The following PRCC variants were observed in gnomAD, a reference collection of about 807,000 sequenced individuals.
PRCC encodes proline-rich protein PRCC.
In PRCC, 10 loss-of-function variants were observed where a neutral mutation model predicts 44.0. The observed-to-expected ratio is 0.23, with a 90% CI of 0.14 to 0.39. The LOEUF is 0.39. PRCC is among the 10% of genes least tolerant of loss of function. PRCC has a pLI of 1.00. For missense variants in PRCC, 573 were observed against 624.7 expected, an observed-to-expected ratio of 0.92 and a Z score of 0.88; for synonymous variants, 278 against 259.5, an observed-to-expected ratio of 1.07 and a Z score of -0.69.
At chr1:156,787,195 G>A (rs374121255) in intron 3 of PRCC, 21 bp downstream of exon 3, 24 of 1,572,666 alleles carry the variant, frequency 1.5e-5, no homozygotes, top group Middle Eastern at 3.8e-4. Context: ...GGCACAGAGG[G>A]CAGGCGAGGG....
At chr1:156,800,145 T>G (rs930774351) in intron 6 of PRCC, among the ~76,000 whole-genome samples, 1 of 152,256 alleles carries the variant, frequency 6.6e-6, no homozygotes, top group Non-Finnish European at 1.5e-5. Context: ...ACCAGGATTC[T>G]TGAGTCTTTA....
chr1:156,785,910 C>G (rs1198701523), intron 2 of PRCC, among the ~76,000 whole-genome samples: 2 of 150,822 alleles, frequency 1.3e-5, no homozygotes, highest in South Asian at 2.1e-4. Flanking sequence ...TTCCTGGGTT[C>G]AAGCGATTCT....
At chr1:156,768,534 C>G (rs1467672944) in intron 1 of PRCC, among the ~76,000 whole-genome samples, 1 of 152,210 alleles carries the variant, frequency 6.6e-6, no homozygotes, top group African/African-American at 2.4e-5. Context: ...TTTGCATCTT[C>G]ACTTCAGTCC....
In PRCC at chr1:156,767,642, A is replaced by G. The variant is rs1651442792; in HGVS notation, c.-130A>G. The G allele has an allele frequency of 1.1e-6, 1 of 872,658 alleles. No individual in the cohort carries two copies. The highest frequency in any genetic ancestry group is 1.7e-6 in the Non-Finnish European group (1 of 577,402). The allele number at this position is 872,658 out of a possible 1,614,324, so 54.1% of individuals were successfully genotyped here. A position where few individuals can be genotyped will look rare whatever the true frequency, so the allele number is the denominator to read the frequency against. On this transcript the variant is annotated 5_prime_UTR_variant, in exon 1 of 7. Coordinates refer to ENST00000271526, the MANE Select transcript of PRCC (RefSeq NM_005973.5). The stretch of plus-strand genomic sequence containing the variant: ...ATGAGTTTCTGCCGGGGCTAGCCCT[A>G]GAGTACGGAGCAGGCGGACTTTTCG...
chr1:156,775,355 G>GT (rs879585465), intron 1 of PRCC, among the ~76,000 whole-genome samples: 5,170 of 142,034 alleles, frequency 0.036, 258 homozygotes, highest in African/African-American at 0.12. Context: ...TCTTTCTTTT[G>GT]TTTTTTTTTT....
intron 2 of PRCC, among the ~76,000 whole-genome samples, chr1:156,785,401 C>A (rs12121153): frequency 0.2 from 29,651 of 151,732 alleles, 3,419 homozygotes; most frequent in Non-Finnish European, 0.26. Flanking sequence ...ATAATCCCAG[C>A]TACTCGGGAG....
In PRCC at chr1:156,791,828, G is replaced by T. The variant is rs370607139; in HGVS notation, c.1179+36G>T. On this transcript the variant is annotated intron_variant, in intron 4 of 6. Coordinates refer to ENST00000271526, the MANE Select transcript of PRCC (RefSeq NM_005973.5). ...AAAGCACAAGTGACCATCTTTGACC[G>T]CTGGGCACCACATTTCAAATCTGAA... The T allele has an allele frequency of 2.3e-4, 355 of 1,542,378 alleles. 1 individual carries two copies. The highest frequency in any genetic ancestry group is 2.1e-4 in the Non-Finnish European group (231 of 1,121,304).
At chr1:156,771,806 C>T (rs1236591698) in intron 1 of PRCC, among the ~76,000 whole-genome samples, 1 of 151,974 alleles carries the variant, frequency 6.6e-6, no homozygotes, top group African/African-American at 2.4e-5. Context: ...ACTGGGATTA[C>T]AGATGTGAGC....
In PRCC at chr1:156,767,762, G is replaced by A. The variant is rs577973796; in HGVS notation, c.-10G>A. 14 of 1,586,848 alleles carry A rather than the reference G, an allele frequency of 8.8e-6. No homozygotes were observed. The South Asian group carries it at 1.1e-4, about 13-fold the overall frequency. On this transcript the variant is annotated 5_prime_UTR_variant, in exon 1 of 7. Transcript: ENST00000271526. ...CTGCCGGCAAGGGCGCCCGAAACGCGGGAGGCGCCATGTCGCTGGTTGCTT... is the reference window on the plus strand; with the variant it reads ...CTGCCGGCAAGGGCGCCCGAAACGCAGGAGGCGCCATGTCGCTGGTTGCTT...
chr1:156,797,993 G>T (rs1464638545), intron 6 of PRCC, among the ~76,000 whole-genome samples: 5 of 152,034 alleles, frequency 3.3e-5, no homozygotes, highest in Admixed American at 6.5e-5. Flanking sequence ...ACCCAGGCTG[G>T]AGTGCAGTGG....
intron 1 of PRCC, 22 bp downstream of exon 1, chr1:156,768,261 C>T: frequency 6.5e-7 from 1 of 1,536,294 alleles, no homozygotes; most frequent in South Asian, 1.2e-5. Flanking sequence ...GGGAAGGCAC[C>T]CCCAAACTGT....
chr1:156,772,145 C>A (rs1172552007), intron 1 of PRCC, among the ~76,000 whole-genome samples: 2 of 152,280 alleles, frequency 1.3e-5, no homozygotes, highest in East Asian at 3.9e-4. Context: ...AGGCGTGAGC[C>A]ACTGCTTCTG....
chr1:156,768,267 A>T, intron 1 of PRCC, 28 bp downstream of exon 1: 1 of 1,535,356 alleles, frequency 6.5e-7, no homozygotes, highest in Non-Finnish European at 8.7e-7. Flanking sequence ...GCACCCCCAA[A>T]CTGTCCATCG....
At chr1:156,775,802 C>T (rs915521539) in intron 1 of PRCC, among the ~76,000 whole-genome samples, 1 of 152,000 alleles carries the variant, frequency 6.6e-6, no homozygotes, top group African/African-American at 2.4e-5. Flanking sequence ...AGCCACCGCA[C>T]CCGGCTAATT....
intron 1 of PRCC, among the ~76,000 whole-genome samples, chr1:156,771,581 G>A (rs1273919545): frequency 6.6e-6 from 1 of 152,204 alleles, no homozygotes; most frequent in East Asian, 1.9e-4. Flanking sequence ...CTGGGGGGTG[G>A]TGTTGCCATT....
intron 6 of PRCC, among the ~76,000 whole-genome samples, chr1:156,799,610 C>T (rs1652773251): frequency 6.6e-6 from 1 of 152,136 alleles, no homozygotes; most frequent in Non-Finnish European, 1.5e-5. Flanking sequence ...GTACTCTTTC[C>T]CTGTCTTGTG....
chr1:156,778,595 T>G (rs1651912586), intron 1 of PRCC, among the ~76,000 whole-genome samples: 2 of 151,272 alleles, frequency 1.3e-5, no homozygotes, highest in Admixed American at 6.6e-5. Context: ...TTTTTTTTTT[T>G]TTTTTGTGGC....
chr1:156,790,055 G>A (rs796067823), intron 3 of PRCC, among the ~76,000 whole-genome samples: 6 of 152,200 alleles, frequency 3.9e-5, no homozygotes, highest in African/African-American at 1.4e-4. Context: ...CAGCTGGCTG[G>A]CCCCATGACT....
At position 156,786,692 on chromosome 1, in the gene PRCC, C is replaced by A. The variant is rs747263092; in HGVS notation, c.601C>A (p.Pro201Thr). The A allele has an allele frequency of 6.2e-7, 1 of 1,614,214 alleles. No homozygotes were observed. Among genetic ancestry groups the A allele is most frequent in the Non-Finnish European group, 8.5e-7 (1 of 1,180,046 alleles). ...TVKETNRLLLPHAFSRKPSDG... is the reference protein window; with the variant it reads ...TVKETNRLLLTHAFSRKPSDG... ...GAAAGAGACTAACAGGTTGCTCCTG[C>A]CCCATGCCTTCTCCCGCAAACCCTC... The change falls in exon 3 of 7, where the codon CCC becomes ACC. Residue 201 changes from proline (P) to threonine (T), a missense_variant. Transcript: ENST00000271526.
Sources: gnomAD v4.1 joint callset for allele counts (sites outside exome capture counted in the v4.1 genomes callset) on GRCh38, gnomAD v4.1.1 for gene constraint, MANE v1.5 for transcripts, NCBI Gene and HGNC (gene_info 2026-07-23, HGNC 2026-07-21) for gene names.